The following CDH18 variants were observed in gnomAD, a reference collection of about 807,000 sequenced individuals.
CDH18 encodes cadherin 18, also known as cadherin-18.
In CDH18, 31 loss-of-function variants were observed where a neutral mutation model predicts 67.9. That is an observed-to-expected ratio of 0.46 (90% CI 0.34 to 0.62). The LOEUF (loss-of-function observed/expected upper bound fraction) is 0.62, where lower values mean the gene tolerates loss of function less well. Ranked by LOEUF, CDH18 falls within the 20% of genes least tolerant of loss-of-function variation. The pLI, the probability that CDH18 is intolerant of heterozygous loss-of-function variation, is 0.01. For missense variants in CDH18, 890 were observed against 975.5 expected, an observed-to-expected ratio of 0.91 and a Z score of 1.17; for synonymous variants, 362 against 347.2, an observed-to-expected ratio of 1.04 and a Z score of -0.48.
At chr5:20,453,154 A>G (rs2150209970) in intron 1 of CDH18, among the ~76,000 whole-genome samples, 1 of 152,238 alleles carries the variant, frequency 6.6e-6, no homozygotes, top group African/African-American at 2.4e-5. Context: ...TGACTATACC[A>G]TTCATGTGGA....
Position 19,958,977 on chromosome 5 carries a change from T to C in CDH18, c.-257+22083A>G, listed in dbSNP as rs184695003. ...TCTGCACCATTAAATAATTTACTCT[T>C]ATTTGATTAACTCAACAATGTCTGT... On this transcript the variant is annotated intron_variant, in intron 2 of 12. Coordinates refer to ENST00000382275, the MANE Select transcript of CDH18 (RefSeq NM_004934.5). Among the ~76,000 whole-genome samples the C allele has an allele frequency of 1.4e-3, 211 of 152,220 alleles. 3 individuals carry two copies. The highest frequency in any genetic ancestry group is 4.7e-3 in the African/African-American group (197 of 41,526).
At chr5:19,918,609 T>A (rs761921758) in intron 2 of CDH18, among the ~76,000 whole-genome samples, 1 of 152,098 alleles carries the variant, frequency 6.6e-6, no homozygotes, top group Non-Finnish European at 1.5e-5. Flanking sequence ...TCAACAAAAA[T>A]GAACCGCAAT....
At chr5:19,480,486 T>C (rs1739237134) in intron 12 of CDH18, among the ~76,000 whole-genome samples, 1 of 151,680 alleles carries the variant, frequency 6.6e-6, no homozygotes, top group Admixed American at 6.6e-5. Context: ...CACGCCATTC[T>C]CCTGCCTCAG....
At chr5:20,315,865 G>C (rs367752416) in intron 1 of CDH18, among the ~76,000 whole-genome samples, 1 of 152,038 alleles carries the variant, frequency 6.6e-6, no homozygotes, top group African/African-American at 2.4e-5. Flanking sequence ...TTTGTCTACT[G>C]TTTGTCTCTC....
At chr5:19,523,649 C>T (rs771711431) in intron 9 of CDH18, among the ~76,000 whole-genome samples, 1 of 151,826 alleles carries the variant, frequency 6.6e-6, no homozygotes, top group African/African-American at 2.4e-5. Flanking sequence ...CAGACTAACA[C>T]AATACTAAGA....
intron 3 of CDH18, among the ~76,000 whole-genome samples, chr5:19,748,134 G>GAAAAAAAAAAAAAAAAAA (rs1554022366): frequency 1.5e-5 from 1 of 67,136 alleles, no homozygotes; most frequent in Non-Finnish European, 2.6e-5. Flanking sequence ...AAAAAAAAAA[G>GAAAAAAAAAAAAAAAAAA]AGTACTTTTT....
At chr5:20,041,102 C>G (rs1342441083) in intron 2 of CDH18, among the ~76,000 whole-genome samples, 1 of 152,144 alleles carries the variant, frequency 6.6e-6, no homozygotes, top group African/African-American at 2.4e-5. Context: ...AAGAAGGAAG[C>G]TGGTGTATGA....
chr5:20,128,454 C>T (rs1749005179), intron 2 of CDH18, among the ~76,000 whole-genome samples: 1 of 152,044 alleles, frequency 6.6e-6, no homozygotes, highest in African/African-American at 2.4e-5. Flanking sequence ...CAAATGAGGG[C>T]TACCATGGAG....
chr5:20,192,200 G>GT (rs1366439439), intron 2 of CDH18, among the ~76,000 whole-genome samples: 153 of 144,148 alleles, frequency 1.1e-3, no homozygotes, highest in East Asian at 2.2e-3. Flanking sequence ...ACTTTTCGAC[G>GT]TTTTTTTTTT....
intron 2 of CDH18, among the ~76,000 whole-genome samples, chr5:20,231,981 C>G (rs1742114622): frequency 6.6e-6 from 1 of 151,834 alleles, no homozygotes; most frequent in South Asian, 2.1e-4. Context: ...AATTAATATA[C>G]TAGCTTAATA....
intron 2 of CDH18, among the ~76,000 whole-genome samples, chr5:20,027,258 C>T (rs541050413): frequency 6.6e-6 from 1 of 152,238 alleles, no homozygotes; most frequent in East Asian, 1.9e-4. Flanking sequence ...AGCTCCTTAA[C>T]ATCCATATAA....
At chr5:20,521,797 A>T (rs1755758134) in intron 1 of CDH18, among the ~76,000 whole-genome samples, 1 of 148,572 alleles carries the variant, frequency 6.7e-6, no homozygotes, top group Admixed American at 6.6e-5. Flanking sequence ...CACAAGTTAC[A>T]CACACACACA....
chr5:19,871,666 C>A (rs931469185), intron 2 of CDH18, among the ~76,000 whole-genome samples: 5 of 151,930 alleles, frequency 3.3e-5, no homozygotes, highest in Non-Finnish European at 5.9e-5. Context: ...AATTAGAGAC[C>A]AGATTCCTTC....
intron 2 of CDH18, among the ~76,000 whole-genome samples, chr5:20,020,244 A>G (rs1481052470): frequency 7.2e-5 from 11 of 152,200 alleles, no homozygotes; most frequent in African/African-American, 2.4e-4. Context: ...AGCAGAGCAT[A>G]AAAGTTCAGA....
intron 2 of CDH18, among the ~76,000 whole-genome samples, chr5:19,899,327 G>A (rs527306818): frequency 3.3e-5 from 5 of 151,144 alleles, no homozygotes; most frequent in African/African-American, 9.7e-5. Context: ...TTGAACCTGC[G>A]AGGCAGAGGT....
chr5:19,715,873 G>C (rs1765281107), intron 5 of CDH18, among the ~76,000 whole-genome samples: 1 of 146,084 alleles, frequency 6.8e-6, no homozygotes, highest in African/African-American at 2.5e-5. Flanking sequence ...CTGGAGTGCA[G>C]TTACACGATC....
intron 3 of CDH18, among the ~76,000 whole-genome samples, chr5:19,772,206 C>A (rs2149743055): frequency 6.6e-6 from 1 of 152,242 alleles, no homozygotes; most frequent in Non-Finnish European, 1.5e-5. Flanking sequence ...ACAATATTAC[C>A]ACCTCCTCAA....
At chr5:19,533,149 T>C (rs539169895) in intron 9 of CDH18, among the ~76,000 whole-genome samples, 2 of 152,180 alleles carry the variant, frequency 1.3e-5, no homozygotes, top group East Asian at 1.9e-4. Flanking sequence ...ATTCAATACA[T>C]AGAGAAGCGA....
intron 11 of CDH18, among the ~76,000 whole-genome samples, chr5:19,490,235 A>G (rs1741181510): frequency 6.6e-6 from 1 of 151,958 alleles, no homozygotes; most frequent in South Asian, 2.1e-4. Flanking sequence ...ATTAATGTAC[A>G]TGGTGGAGCA....
Sources: gnomAD v4.1 joint callset for allele counts (sites outside exome capture counted in the v4.1 genomes callset) on GRCh38, gnomAD v4.1.1 for gene constraint, MANE v1.5 for transcripts, NCBI Gene and HGNC (gene_info 2026-07-23, HGNC 2026-07-21) for gene names.